The following THSD7B variants were observed in gnomAD, a reference collection of about 807,000 sequenced individuals.
THSD7B encodes the protein thrombospondin type-1 domain-containing protein 7B.
In THSD7B, 138 loss-of-function variants were observed where a neutral mutation model predicts 213.6. That is an observed-to-expected ratio of 0.65 (90% CI 0.56 to 0.74). The LOEUF (loss-of-function observed/expected upper bound fraction) is 0.74, where lower values mean the gene tolerates loss of function less well. Among genes scored for constraint, THSD7B ranks in the 30% least tolerant of loss-of-function variants. The pLI is 0.00. For synonymous variants in THSD7B, 742 were observed against 687.0 expected, an observed-to-expected ratio of 1.08 and a Z score of -1.25; for missense variants, 1,931 against 1,991.5, an observed-to-expected ratio of 0.97 and a Z score of 0.58.
chr2:136,932,910 G>A (rs1456117172), intron 2 of THSD7B, among the ~76,000 whole-genome samples: 1 of 152,130 alleles, frequency 6.6e-6, no homozygotes, highest in Non-Finnish European at 1.5e-5. Flanking sequence ...ACCAGGAGGA[G>A]GTAATGTTCC....
rs185601253 is a variant in THSD7B, at chr2:137,585,099, C to A, written c.3423+12543C>A. On this transcript the variant is annotated intron_variant, in intron 17 of 27. Coordinates refer to ENST00000409968, the MANE Select transcript of THSD7B (RefSeq NM_001316349.2). The stretch of plus-strand genomic sequence containing the variant: ...TATGTGTCCAGGAATTTACCCATTT[C>A]TTCTAGATTTTCTAGTTTATTTGCA... Among the ~76,000 whole-genome samples the A allele has an allele frequency of 1.9e-3, 296 of 152,292 alleles. 4 individuals are homozygous for A. Among genetic ancestry groups the A allele is most frequent in the African/African-American group, 6.8e-3 (282 of 41,570 alleles).
At chr2:137,400,815 T>C (rs1287230543) in intron 12 of THSD7B, among the ~76,000 whole-genome samples, 2 of 152,164 alleles carry the variant, frequency 1.3e-5, no homozygotes, top group African/African-American at 4.8e-5. Context: ...GATTGGGCCA[T>C]GGAACCCCAG....
intron 12 of THSD7B, among the ~76,000 whole-genome samples, chr2:137,284,211 T>C (rs928255236): frequency 1.4e-4 from 21 of 152,156 alleles, no homozygotes; most frequent in Non-Finnish European, 2.9e-4. Flanking sequence ...TATTCTCTGA[T>C]GGTAGTTTGT....
rs1010258712 is a variant in THSD7B at position 137,677,523 on chromosome 2, T to A, written c.*918T>A. The A allele has an allele frequency of 5.2e-5, 8 of 152,656 alleles. No homozygotes were observed. The highest frequency in any genetic ancestry group is 5.2e-4 in the Admixed American group (8 of 15,278). The allele number at this position is 152,656 out of a possible 1,614,324, so 9.5% of individuals were successfully genotyped here. Reference sequence around the variant, plus strand: ...AATTTAATTATCTGACCTCATTTAATATACATCAAACACCGATCCTGTTTG... The same window carrying A: ...AATTTAATTATCTGACCTCATTTAAAATACATCAAACACCGATCCTGTTTG... On this transcript the variant is annotated 3_prime_UTR_variant, in exon 28 of 28. Coordinates refer to ENST00000409968, the MANE Select transcript of THSD7B (RefSeq NM_001316349.2).
At chr2:137,142,924 T>C (rs1254620998) in intron 5 of THSD7B, among the ~76,000 whole-genome samples, 2 of 152,150 alleles carry the variant, frequency 1.3e-5, no homozygotes, top group African/African-American at 4.8e-5. Context: ...ATGAGTTCTT[T>C]TTCCTCCCTC....
At chr2:136,835,871 T>C (rs1158493853) in intron 1 of THSD7B, among the ~76,000 whole-genome samples, 1 of 152,152 alleles carries the variant, frequency 6.6e-6, no homozygotes, top group African/African-American at 2.4e-5. Flanking sequence ...ACACAGGGGT[T>C]TGAGTTGCAT....
At chr2:136,845,745 A>G (rs951024143) in intron 1 of THSD7B, among the ~76,000 whole-genome samples, 4 of 152,168 alleles carry the variant, frequency 2.6e-5, no homozygotes, top group African/African-American at 4.8e-5. Context: ...CTAAGGCAAG[A>G]TGTGCTTGTT....
At chr2:137,221,362 A>T (rs1226211382) in intron 7 of THSD7B, among the ~76,000 whole-genome samples, 1 of 152,178 alleles carries the variant, frequency 6.6e-6, no homozygotes, top group East Asian at 1.9e-4. Context: ...GGACCCCTCA[A>T]GGGAAGTTTT....
At chr2:137,171,093 A>G (rs977530896) in intron 7 of THSD7B, among the ~76,000 whole-genome samples, 155 bp downstream of exon 7, 3 of 152,168 alleles carry the variant, frequency 2.0e-5, no homozygotes, top group African/African-American at 4.8e-5. Flanking sequence ...CATTGCTGCA[A>G]AGTAAGGTGC....
chr2:137,225,728 G>A (rs939733772), intron 7 of THSD7B, among the ~76,000 whole-genome samples: 4 of 151,666 alleles, frequency 2.6e-5, no homozygotes, highest in African/African-American at 4.8e-5. Context: ...TTTTACTGCA[G>A]TTGTTGATGT....
chr2:137,311,733 C>T (rs1176601692), intron 12 of THSD7B, among the ~76,000 whole-genome samples: 2 of 151,508 alleles, frequency 1.3e-5, no homozygotes, highest in Admixed American at 6.6e-5. Flanking sequence ...TGAATTTTGT[C>T]AAAGGCCTTT....
chr2:136,956,271 A>T (rs1454422660), intron 2 of THSD7B, among the ~76,000 whole-genome samples: 7 of 152,190 alleles, frequency 4.6e-5, no homozygotes, highest in Admixed American at 4.6e-4. Context: ...AAAATAAATT[A>T]TTTAGCAGCC....
intron 2 of THSD7B, among the ~76,000 whole-genome samples, chr2:136,998,909 GAC>G (rs57138045): frequency 0.037 from 4,770 of 129,816 alleles, 101 homozygotes; most frequent in African/African-American, 0.056. Flanking sequence ...ATACCCAACA[GAC>G]ACACACACAC....
At chr2:137,393,298 T>C (rs1289187115) in intron 12 of THSD7B, among the ~76,000 whole-genome samples, 2 of 152,018 alleles carry the variant, frequency 1.3e-5, no homozygotes, top group African/African-American at 4.8e-5. Context: ...CTCCCAATGC[T>C]ATCCCTCCCC....
intron 16 of THSD7B, among the ~76,000 whole-genome samples, chr2:137,563,854 G>A (rs1356918843): frequency 6.6e-6 from 1 of 152,166 alleles, no homozygotes; most frequent in African/African-American, 2.4e-5. Context: ...ACATCTCTGA[G>A]AGAATTTAGT....
intron 3 of THSD7B, 104 bp from the exon 4 acceptor site, chr2:137,094,769 C>G: frequency 7.0e-7 from 1 of 1,433,486 alleles, no homozygotes; most frequent in Non-Finnish European, 9.4e-7. Flanking sequence ...CTATTAAACG[C>G]TTAAATCAAA....
chr2:137,229,958 C>G (rs1681600567), intron 7 of THSD7B, among the ~76,000 whole-genome samples: 1 of 152,140 alleles, frequency 6.6e-6, no homozygotes, highest in African/African-American at 2.4e-5. Context: ...AATTTCAAAG[C>G]CATAAAGTCA....
At chr2:136,922,609 C>T (rs1317572085) in intron 2 of THSD7B, among the ~76,000 whole-genome samples, 2 of 152,190 alleles carry the variant, frequency 1.3e-5, no homozygotes, top group Admixed American at 6.5e-5. Context: ...AGATATGAGA[C>T]ATACATTCTA....
intron 12 of THSD7B, among the ~76,000 whole-genome samples, chr2:137,401,705 G>A (rs1686368767): frequency 6.7e-6 from 1 of 150,046 alleles, no homozygotes; most frequent in African/African-American, 2.5e-5. Context: ...CATTAAGAGA[G>A]CTGTGGTCTT....
Sources: gnomAD v4.1 joint callset for allele counts (sites outside exome capture counted in the v4.1 genomes callset) on GRCh38, gnomAD v4.1.1 for gene constraint, MANE v1.5 for transcripts, NCBI Gene and HGNC (gene_info 2026-07-23, HGNC 2026-07-21) for gene names.